The following TUFT1 variants were observed in gnomAD, a reference collection of about 807,000 sequenced individuals.
TUFT1 encodes the protein tuftelin 1.
TUFT1 carries 43 observed loss-of-function variants against 57.8 expected under a neutral mutation model. The ratio of observed to expected loss-of-function variants is 0.74; its 90% CI spans 0.58 to 0.96. The LOEUF (loss-of-function observed/expected upper bound fraction) is 0.96, where lower values mean the gene tolerates loss of function less well. Among genes scored for constraint, TUFT1 ranks in the 40% least tolerant of loss-of-function variants. TUFT1 has a pLI of 0.00. For synonymous variants in TUFT1, 166 were observed against 176.7 expected, an observed-to-expected ratio of 0.94 and a Z score of 0.48; for missense variants, 459 against 489.0, an observed-to-expected ratio of 0.94 and a Z score of 0.58.
chr1:151,543,331 G>A (rs201056481), intron 1 of TUFT1, among the ~76,000 whole-genome samples: 16 of 123,620 alleles, frequency 1.3e-4, no homozygotes, highest in South Asian at 6.1e-4. Context: ...ATATATATGT[G>A]TGTGTGTGTG....
chr1:151,570,465 A>G (rs1238114974), intron 7 of TUFT1, among the ~76,000 whole-genome samples: 2 of 152,074 alleles, frequency 1.3e-5, no homozygotes, highest in Non-Finnish European at 2.9e-5. Context: ...TGTTTTTAGA[A>G]GAGACGGGGT....
intron 6 of TUFT1, among the ~76,000 whole-genome samples, chr1:151,567,752 G>A (rs1247617789): frequency 6.6e-6 from 1 of 151,684 alleles, no homozygotes; most frequent in Non-Finnish European, 1.5e-5. Context: ...CACCATGTTG[G>A]CCAAGCTGGT....
chr1:151,569,866 C>A, intron 7 of TUFT1, 96 bp downstream of exon 7: 1 of 988,528 alleles, frequency 1.0e-6, no homozygotes, highest in Non-Finnish European at 1.6e-6. Context: ...GTCTTTCTGG[C>A]TGAGTGCCAC....
intron 11 of TUFT1, 49 bp downstream of exon 11, chr1:151,579,781 G>C (rs767738977): frequency 6.4e-7 from 1 of 1,573,296 alleles, no homozygotes; most frequent in East Asian, 2.3e-5. Context: ...TTGAAGAGAA[G>C]GTGGACATAA....
chr1:151,570,174 G>T (rs1389876036), intron 7 of TUFT1, among the ~76,000 whole-genome samples: 1 of 152,166 alleles, frequency 6.6e-6, no homozygotes, highest in Non-Finnish European at 1.5e-5. Context: ...TTAGATAGGT[G>T]CTTCATAAAC....
In TUFT1 at chr1:151,574,973, C is replaced by G; in HGVS notation, c.786C>G (p.Ser262Arg). Reference protein sequence around the residue: ...EGEVALEELRSNNADCQAERE... With the variant: ...EGEVALEELRRNNADCQAERE... ...AGGTGGCCCTAGAGGAACTTCGGAG[C>G]AACAATGCTGACTGCCAAGCAGAAC... The change falls in exon 9 of 13, where the codon AGC (serine) becomes AGG (arginine). Residue 262 changes from serine (S) to arginine (R), a missense_variant. Physicochemically the swap from Ser to Arg is moderately radical, Grantham distance 110. Coordinates refer to ENST00000368849, the MANE Select transcript of TUFT1 (RefSeq NM_020127.3). 6.4e-7 allele frequency: 1 copy of G among 1,573,298 alleles called. No individual in the cohort carries two copies.
intron 12 of TUFT1, 85 bp downstream of exon 12, chr1:151,581,127 C>A: frequency 2.4e-6 from 3 of 1,274,948 alleles, no homozygotes; most frequent in South Asian, 1.3e-5. Flanking sequence ...AGTGCTAAGG[C>A]AAGAACAAGG....
At position 151,581,728 on chromosome 1, in the gene TUFT1, G is replaced by C; in HGVS notation, c.*21G>C. The C allele has an allele frequency of 6.2e-7, 1 of 1,613,940 alleles. No homozygotes were observed. Among genetic ancestry groups the C allele is most frequent in the South Asian group, 1.1e-5 (1 of 91,070 alleles). The stretch of plus-strand genomic sequence containing the variant: ...CCTGAGCTGCCTGGAGATGGTTGCT[G>C]CCATTGCTGCTGCCTCTGCCTCGGA... On this transcript the variant is annotated 3_prime_UTR_variant, in exon 13 of 13. Coordinates refer to ENST00000368849, the MANE Select transcript of TUFT1 (RefSeq NM_020127.3).
At chr1:151,552,817 A>G (rs1278449596) in intron 1 of TUFT1, among the ~76,000 whole-genome samples, 2 of 151,524 alleles carry the variant, frequency 1.3e-5, no homozygotes, top group Non-Finnish European at 2.9e-5. Context: ...GAAAACGTCC[A>G]TTATTTTTAA....
intron 9 of TUFT1, 104 bp from the exon 10 acceptor site, chr1:151,578,617 G>C: frequency 1.0e-6 from 1 of 956,630 alleles, no homozygotes; most frequent in Non-Finnish European, 1.6e-6. Flanking sequence ...ATCAGGCAAA[G>C]GGAATCATAT....
chr1:151,567,845 C>A (rs1479859701), intron 6 of TUFT1, among the ~76,000 whole-genome samples: 3 of 152,236 alleles, frequency 2.0e-5, no homozygotes, highest in Admixed American at 6.5e-5. Flanking sequence ...TGCACCCCGC[C>A]ACCATTACTG....
intron 1 of TUFT1, among the ~76,000 whole-genome samples, chr1:151,555,533 C>T (rs1420050595): frequency 1.3e-5 from 2 of 149,546 alleles, no homozygotes; most frequent in East Asian, 2.0e-4. Context: ...AATCCAAGCA[C>T]TTTGGGAGGC....
rs572044064 is a variant in TUFT1, at chr1:151,574,476, G to A, written c.723+78G>A. ...CTGCAGGTGGATCGAAACGGTTGCCGAGACCCTTCTTTTCCAAGCCTCTCC... is the reference window on the plus strand; with the variant it reads ...CTGCAGGTGGATCGAAACGGTTGCCAAGACCCTTCTTTTCCAAGCCTCTCC... On this transcript the variant is annotated intron_variant, in intron 8 of 12. Transcript: ENST00000368849. 9.6e-6 allele frequency: 15 copies of A among 1,566,212 alleles called. 1 individual carries two copies. The Admixed American group carries it at 1.3e-4, about 14-fold the overall frequency.
rs1380082568 is a variant in TUFT1, at chr1:151,564,567, A to G, written c.367A>G (p.Lys123Glu). ...GAAGCTCCGGGAGGATATAAGTAGC[A>G]AGCTTGACAGGAACCTAGGAGATTC... Reference protein sequence around the residue: ...LQKLREDISSKLDRNLGDSLH... With the variant: ...LQKLREDISSELDRNLGDSLH... Residue 123 changes from lysine to glutamate, a missense_variant, in exon 5 of 13, where the codon AAG becomes GAG. Lys to Glu is a moderately conservative substitution (Grantham distance 56). Coordinates refer to ENST00000368849, the MANE Select transcript of TUFT1 (RefSeq NM_020127.3). 3 of 1,614,190 alleles carry G rather than the reference A, an allele frequency of 1.9e-6. No individual in the cohort carries two copies. The South Asian group carries it at 3.3e-5, about 18-fold the overall frequency.
chr1:151,572,601 C>G (rs1666293224), intron 7 of TUFT1, among the ~76,000 whole-genome samples: 1 of 152,164 alleles, frequency 6.6e-6, no homozygotes, highest in African/African-American at 2.4e-5. Flanking sequence ...GAAGGCTTGT[C>G]TCAGTCTCTC....
Position 151,562,074 on chromosome 1 carries a change from G to A in TUFT1, c.61-17G>A. The A allele has an allele frequency of 6.2e-7, 1 of 1,613,260 alleles. No homozygotes were observed. The highest frequency in any genetic ancestry group is 1.3e-5 in the African/African-American group (1 of 75,038). ...GTAAAGTTGAGGGGTTATTGTTGCTGTCATTGTCATTATTAGGGCAGCGTG... is the reference window on the plus strand; with the variant it reads ...GTAAAGTTGAGGGGTTATTGTTGCTATCATTGTCATTATTAGGGCAGCGTG... On this transcript the variant is annotated splice_polypyrimidine_tract_variant and intron_variant, in intron 1 of 12. Coordinates refer to ENST00000368849, the MANE Select transcript of TUFT1 (RefSeq NM_020127.3).
chr1:151,579,548 T>C, intron 10 of TUFT1, 101 bp from the exon 11 acceptor site: 1 of 1,104,500 alleles, frequency 9.1e-7, no homozygotes, highest in East Asian at 2.5e-5. Flanking sequence ...TCATATGGAG[T>C]TGCAGGGCTC....
chr1:151,562,483 A>G, intron 2 of TUFT1, 102 bp from the exon 3 acceptor site: 2 of 1,019,356 alleles, frequency 2.0e-6, no homozygotes, highest in South Asian at 1.4e-5. Flanking sequence ...CTTTTGAGAA[A>G]CAGGTCTTCT....
At chr1:151,557,989 T>TAAA in intron 1 of TUFT1, 12 of 374,356 alleles carry the variant, frequency 3.2e-5, no homozygotes, top group South Asian at 9.0e-5. Flanking sequence ...CAAAAAAACT[T>TAAA]AAAAAAAAAA....
Sources: allele counts gnomAD v4.1 joint callset (sites outside exome capture counted in the v4.1 genomes callset), GRCh38; gene constraint gnomAD v4.1.1; transcripts MANE v1.5; gene names NCBI Gene and HGNC (gene_info 2026-07-23, HGNC 2026-07-21).